SLC4A7: variants seen among roughly 807,000 people sequenced by gnomAD.
The protein encoded by SLC4A7 is solute carrier family 4 member 7.
SLC4A7 carries 51 observed loss-of-function variants against 137.6 expected under a neutral mutation model. The ratio of observed to expected loss-of-function variants is 0.37; its 90% CI spans 0.30 to 0.47. SLC4A7 has a LOEUF of 0.47. Ranked by LOEUF, SLC4A7 falls within the 20% of genes least tolerant of loss-of-function variation. The pLI is 1.00. For synonymous variants in SLC4A7, 542 were observed against 518.6 expected (o/e 1.05, Z -0.61); for missense variants, 1,247 against 1,525.4 (o/e 0.82, Z 3.04).
intron 1 of SLC4A7, among the ~76,000 whole-genome samples, chr3:27,473,417 T>C (rs2150717014): frequency 6.6e-6 from 1 of 152,212 alleles, no homozygotes; most frequent in East Asian, 1.9e-4. Context: ...AGAAATCACA[T>C]TTTTGTAAAA....
chr3:27,474,881 C>A (rs961688447), intron 1 of SLC4A7, among the ~76,000 whole-genome samples: 2 of 151,726 alleles, frequency 1.3e-5, no homozygotes, highest in African/African-American at 4.8e-5. Context: ...CAGAACTTTG[C>A]CAGATCACTT....
intron 3 of SLC4A7, among the ~76,000 whole-genome samples, chr3:27,443,863 T>A (rs942829762): frequency 6.6e-6 from 1 of 152,266 alleles, no homozygotes; most frequent in African/African-American, 2.4e-5. Flanking sequence ...CCCATGATTA[T>A]TGAGAAGTAT....
intron 23 of SLC4A7, among the ~76,000 whole-genome samples, chr3:27,384,946 A>G (rs760108702): frequency 6.6e-6 from 1 of 152,248 alleles, no homozygotes; most frequent in South Asian, 2.1e-4. Flanking sequence ...ATCTCAGAAG[A>G]AAAAAACAAA....
At chr3:27,456,885 C>T (rs1315109172) in intron 1 of SLC4A7, 2 of 1,361,356 alleles carry the variant, frequency 1.5e-6, no homozygotes, top group Non-Finnish European at 1.9e-6. Flanking sequence ...CACAGGGTCA[C>T]AGCATAACAG....
intron 14 of SLC4A7, 75 bp from the exon 15 acceptor site, chr3:27,403,459 G>A: frequency 1.0e-6 from 1 of 965,678 alleles, no homozygotes; most frequent in Non-Finnish European, 1.5e-6. Context: ...TTCATTGCAA[G>A]CAATGGGAAC....
At chr3:27,435,387 G>A (rs1458410792) in intron 5 of SLC4A7, among the ~76,000 whole-genome samples, 1 of 152,002 alleles carries the variant, frequency 6.6e-6, no homozygotes, top group African/African-American at 2.4e-5. Flanking sequence ...TGCTTAGACT[G>A]TTCCTAGCCA....
At chr3:27,412,346 T>C (rs1289483791) in intron 11 of SLC4A7, among the ~76,000 whole-genome samples, 1 of 152,144 alleles carries the variant, frequency 6.6e-6, no homozygotes, top group African/African-American at 2.4e-5. Context: ...CAAGAGATGC[T>C]GGGGCTAAAA....
chr3:27,425,213 A>T (rs1219090931), intron 7 of SLC4A7, among the ~76,000 whole-genome samples: 1 of 151,586 alleles, frequency 6.6e-6, no homozygotes, highest in Non-Finnish European at 1.5e-5. Context: ...TCTACTAAAA[A>T]TACAAAATAA....
intron 7 of SLC4A7, among the ~76,000 whole-genome samples, chr3:27,426,487 A>G (rs1313018027): frequency 1.3e-5 from 2 of 152,206 alleles, no homozygotes; most frequent in Non-Finnish European, 2.9e-5. Flanking sequence ...ACATACTTCC[A>G]AAGGCTAAAT....
intron 24 of SLC4A7, among the ~76,000 whole-genome samples, chr3:27,380,071 G>A (rs753016211): frequency 2.0e-4 from 30 of 152,178 alleles, no homozygotes; most frequent in Non-Finnish European, 4.0e-4. Context: ...CACTTTGGGA[G>A]GCCAAGGCGG....
intron 1 of SLC4A7, among the ~76,000 whole-genome samples, chr3:27,461,854 C>T (rs1231067809): frequency 2.6e-5 from 4 of 151,376 alleles, no homozygotes; most frequent in Middle Eastern, 3.4e-3. Context: ...CCTGGCTACA[C>T]GAGAGGCTGA....
chr3:27,409,470 G>C lies in SLC4A7; in HGVS notation c.1827C>G (p.Phe609Leu). Residue 609 changes from phenylalanine (F) to leucine (L), a missense_variant, in exon 13 of 26, where the codon TTC becomes TTG. This residue lies in a region of SLC4A7 where 499 missense variants were observed against 664.2 expected (regional missense o/e 0.75). Coordinates refer to ENST00000454389, the MANE Select transcript of SLC4A7 (RefSeq NM_001321103.2). ...GGCACTGCAGGCTTAATGCATCCTT[G>C]AAGTCACTCAAGAAAAAAGGTGCTT... Reference protein sequence around the residue: ...KRKAPFFLSDFKDALSLQCLA... With the variant: ...KRKAPFFLSDLKDALSLQCLA... The C allele has an allele frequency of 6.2e-7, 1 of 1,613,706 alleles. No homozygotes were observed. The highest frequency in any genetic ancestry group is 8.5e-7 in the Non-Finnish European group (1 of 1,179,798).
At chr3:27,447,640 C>CTT (rs71087609) in intron 3 of SLC4A7, among the ~76,000 whole-genome samples, 10,278 of 98,248 alleles carry the variant, frequency 0.1, 457 homozygotes, top group South Asian at 0.14. Flanking sequence ...TTTTACAGCC[C>CTT]TTTTTTTTTT....
intron 13 of SLC4A7, among the ~76,000 whole-genome samples, chr3:27,405,449 A>G (rs1409268208): frequency 6.6e-6 from 1 of 152,196 alleles, no homozygotes; most frequent in East Asian, 1.9e-4. Flanking sequence ...GGAGAGACAC[A>G]TACTAGGGCT....
chr3:27,379,682 T>C (rs915822204), intron 24 of SLC4A7, among the ~76,000 whole-genome samples: 1 of 151,924 alleles, frequency 6.6e-6, no homozygotes, highest in African/African-American at 2.4e-5. Flanking sequence ...TGAAATAACA[T>C]ACGACTATGT....
intron 21 of SLC4A7, among the ~76,000 whole-genome samples, chr3:27,390,649 A>G (rs550411905): frequency 7.2e-5 from 11 of 152,190 alleles, no homozygotes; most frequent in Non-Finnish European, 1.5e-4. Context: ...AAATCAGGTG[A>G]GATAAGGAAA....
intron 16 of SLC4A7, among the ~76,000 whole-genome samples, chr3:27,399,674 C>T (rs924608939): frequency 1.3e-5 from 2 of 152,194 alleles, no homozygotes; most frequent in African/African-American, 4.8e-5. Context: ...TCTAGCAATA[C>T]TCCTGCCTTG....
chr3:27,470,303 C>T (rs2059183770), intron 1 of SLC4A7, among the ~76,000 whole-genome samples: 1 of 151,122 alleles, frequency 6.6e-6, no homozygotes, highest in Non-Finnish European at 1.5e-5. Context: ...GATAATCTGT[C>T]GGCAGTTCTT....
chr3:27,431,270 C>T (rs1239011955), intron 7 of SLC4A7, 28 bp downstream of exon 7: 2 of 1,539,466 alleles, frequency 1.3e-6, no homozygotes, highest in Admixed American at 2.0e-5. Context: ...GCAGAAAGCA[C>T]CACACATGGA....
Sources: allele counts gnomAD v4.1 joint callset (sites outside exome capture counted in the v4.1 genomes callset), GRCh38; gene constraint gnomAD v4.1.1; regional missense constraint gnomAD v4.1.1; transcripts MANE v1.5; gene names NCBI Gene and HGNC (gene_info 2026-07-23, HGNC 2026-07-21).